IMMP2L: variants seen among roughly 807,000 people sequenced by gnomAD.
The protein encoded by IMMP2L is inner mitochondrial membrane peptidase subunit 2.
In IMMP2L, 18 loss-of-function variants were observed where a neutral mutation model predicts 19.3. That is an observed-to-expected ratio of 0.93 (90% CI 0.64 to 1.38). The LOEUF (loss-of-function observed/expected upper bound fraction) is 1.38, where lower values mean the gene tolerates loss of function less well. Ranked by LOEUF, IMMP2L falls within the 40% of genes most tolerant of loss-of-function variation. The pLI is 0.00. For synonymous variants in IMMP2L, 76 were observed against 73.0 expected (o/e 1.04, Z -0.21); for missense variants, 233 against 218.2 (o/e 1.07, Z -0.43).
At chr7:110,903,066 A>G (rs890649635) in intron 4 of IMMP2L, among the ~76,000 whole-genome samples, 1 of 152,276 alleles carries the variant, frequency 6.6e-6, no homozygotes, top group East Asian at 1.9e-4. Context: ...CTGAGGGCCA[A>G]ATGGACTCAG....
chr7:111,312,497 G>A (rs1177249942), intron 3 of IMMP2L, among the ~76,000 whole-genome samples: 1 of 151,966 alleles, frequency 6.6e-6, no homozygotes, highest in African/African-American at 2.4e-5. Context: ...AGTGGGGAGG[G>A]GATCATAGAT....
At chr7:111,510,189 C>T (rs776411188) in intron 2 of IMMP2L, among the ~76,000 whole-genome samples, 9 of 151,998 alleles carry the variant, frequency 5.9e-5, no homozygotes, top group Non-Finnish European at 1.2e-4. Context: ...AATAATGAGT[C>T]GTGTTATACA....
chr7:110,967,193 T>C (rs998201040), intron 3 of IMMP2L, among the ~76,000 whole-genome samples: 6 of 152,086 alleles, frequency 3.9e-5, no homozygotes, highest in African/African-American at 1.4e-4. Context: ...CCAGAATGGT[T>C]GCAGGCCAAG....
Position 111,530,227 on chromosome 7 carries a change from C to G in IMMP2L, c.-2-8778G>C, listed in dbSNP as rs377316145. ...CAAAATGTTCATATGTGTTTGTTTT[C>G]TTTTGTTTACATAAGCATTTGTGTA... On this transcript the variant is annotated intron_variant, in intron 1 of 5. Coordinates refer to ENST00000405709, the MANE Select transcript of IMMP2L (RefSeq NM_032549.4). 5.1e-4 allele frequency among the ~76,000 whole-genome samples: 77 copies of G among 152,220 alleles called. 2 individuals carry two copies. Among genetic ancestry groups the G allele is most frequent in the African/African-American group, 1.7e-3 (71 of 41,540 alleles).
At chr7:110,798,660 G>T (rs1801033227) in intron 5 of IMMP2L, among the ~76,000 whole-genome samples, 1 of 151,924 alleles carries the variant, frequency 6.6e-6, no homozygotes, top group Non-Finnish European at 1.5e-5. Flanking sequence ...GAAAGCGGGG[G>T]TGGAGGGGAA....
chr7:110,975,020 C>T (rs1370902414), intron 3 of IMMP2L, among the ~76,000 whole-genome samples: 2 of 151,932 alleles, frequency 1.3e-5, no homozygotes, highest in African/African-American at 2.4e-5. Context: ...GTAGTTAATT[C>T]AAATGTTTCC....
intron 2 of IMMP2L, among the ~76,000 whole-genome samples, chr7:111,509,689 T>G (rs1269077452): frequency 6.6e-6 from 1 of 152,168 alleles, no homozygotes; most frequent in Non-Finnish European, 1.5e-5. Flanking sequence ...GTGCAAAATA[T>G]ATTACTTAAT....
chr7:111,391,995 T>C (rs1397394467), intron 3 of IMMP2L: 1 of 702,980 alleles, frequency 1.4e-6, no homozygotes, highest in South Asian at 1.5e-5. Context: ...AGAAAGTGTC[T>C]CCTTGCTTCA....
At chr7:110,976,025 G>A (rs1427437890) in intron 3 of IMMP2L, among the ~76,000 whole-genome samples, 1 of 151,954 alleles carries the variant, frequency 6.6e-6, no homozygotes, top group Admixed American at 6.6e-5. Flanking sequence ...TTATCTAAAT[G>A]TGAAAAATTA....
At chr7:110,893,485 TAGTA>T (rs1350375727) in intron 4 of IMMP2L, among the ~76,000 whole-genome samples, 1 of 152,192 alleles carries the variant, frequency 6.6e-6, no homozygotes, top group Non-Finnish European at 1.5e-5. Context: ...TTTAAAAAAA[TAGTA>T]TACTACTATA....
At chr7:111,555,382 T>C (rs1374994915) in intron 1 of IMMP2L, among the ~76,000 whole-genome samples, 1 of 151,802 alleles carries the variant, frequency 6.6e-6, no homozygotes, top group Non-Finnish European at 1.5e-5. Flanking sequence ...AATTCATATC[T>C]GACAGTTGGG....
chr7:110,927,513 GAAA>G (rs1259971230), intron 4 of IMMP2L, among the ~76,000 whole-genome samples: 10 of 152,072 alleles, frequency 6.6e-5, no homozygotes, highest in Admixed American at 6.6e-4. Flanking sequence ...GAAGAGGGAG[GAAA>G]AAGAGAGCAG....
At chr7:110,788,060 C>T (rs1054219498) in intron 5 of IMMP2L, among the ~76,000 whole-genome samples, 4 of 151,900 alleles carry the variant, frequency 2.6e-5, no homozygotes, top group African/African-American at 9.7e-5. Flanking sequence ...CCACTTTCTA[C>T]TTTTTTTCCC....
intron 3 of IMMP2L, among the ~76,000 whole-genome samples, chr7:111,108,972 C>G (rs1310479728): frequency 1.3e-5 from 2 of 152,130 alleles, no homozygotes; most frequent in African/African-American, 4.8e-5. Flanking sequence ...ACGGAAACAA[C>G]TTTAATAAAG....
At chr7:111,258,796 G>T (rs1029782465) in intron 3 of IMMP2L, among the ~76,000 whole-genome samples, 1 of 152,000 alleles carries the variant, frequency 6.6e-6, no homozygotes, top group African/African-American at 2.4e-5. Context: ...GTGAGCCACC[G>T]TGCCTAGCCA....
At chr7:111,249,474 C>A (rs1176462696) in intron 3 of IMMP2L, among the ~76,000 whole-genome samples, 2 of 151,300 alleles carry the variant, frequency 1.3e-5, no homozygotes, top group Non-Finnish European at 2.9e-5. Context: ...CAGAAATCAC[C>A]GTCTTCTGCG....
intron 3 of IMMP2L, among the ~76,000 whole-genome samples, chr7:111,114,007 T>C (rs1339912500): frequency 1.3e-5 from 2 of 152,168 alleles, no homozygotes; most frequent in East Asian, 1.9e-4. Flanking sequence ...TAAATCCCTC[T>C]AAATATCTAT....
At chr7:111,385,710 A>G (rs1163998455) in intron 3 of IMMP2L, among the ~76,000 whole-genome samples, 1 of 152,140 alleles carries the variant, frequency 6.6e-6, no homozygotes, top group African/African-American at 2.4e-5. Flanking sequence ...ATGAGCTGCC[A>G]TAAGAAAAGC....
chr7:110,883,949 T>C (rs1399980095), intron 5 of IMMP2L, among the ~76,000 whole-genome samples: 1 of 152,026 alleles, frequency 6.6e-6, no homozygotes, highest in Non-Finnish European at 1.5e-5. Context: ...AAATGGAACA[T>C]ATTATCTAGG....
Sources: gnomAD v4.1 joint callset for allele counts (sites outside exome capture counted in the v4.1 genomes callset) on GRCh38, gnomAD v4.1.1 for gene constraint, MANE v1.5 for transcripts, NCBI Gene and HGNC (gene_info 2026-07-23, HGNC 2026-07-21) for gene names.